The following PIGO variants were observed in gnomAD, a reference collection of about 807,000 sequenced individuals.
PIGO encodes the protein phosphatidylinositol glycan anchor biosynthesis class O, also known as GPI ethanolamine phosphate transferase 3, catalytic subunit.
PIGO carries 66 observed loss-of-function variants against 86.9 expected under a neutral mutation model. The ratio of observed to expected loss-of-function variants is 0.76; its 90% CI spans 0.62 to 0.93. PIGO has a LOEUF of 0.93. PIGO is among the 40% of genes least tolerant of loss of function. The pLI, the probability that PIGO is intolerant of heterozygous loss-of-function variation, is 0.00. For synonymous variants in PIGO, 570 were observed against 556.4 expected (o/e 1.02, Z -0.34); for missense variants, 1,202 against 1,359.1 (o/e 0.88, Z 1.82).
chr9:35,090,218 G>A lies in PIGO; in HGVS notation c.2917C>T (p.Gln973Ter), dbSNP rs1271249775. Residue 973 changes from glutamine (Q) to a stop codon, truncating the protein, a stop_gained, in exon 9 of 11, where the codon CAG becomes TAG. Transcript: ENST00000378617. LOFTEE classifies it high-confidence loss of function. Reference protein sequence around the residue: ...LCESQGLRKRQQPPGNEADAR... With the variant: ...LCESQGLRKR ...TCAGCTTCATTCCCTGGGGGCTGCT[G>A]TCTCTTCCGCAGCCCTTGACTCTCA... 6.2e-7 allele frequency: 1 copy of A among 1,614,090 alleles called. No homozygotes were observed. Among genetic ancestry groups the A allele is most frequent in the Non-Finnish European group, 8.5e-7 (1 of 1,180,050 alleles).
At position 35,091,567 on chromosome 9, in the gene PIGO, G is replaced by A; in HGVS notation, c.2320C>T (p.Pro774Ser). The A allele has an allele frequency of 1.2e-6, 2 of 1,614,064 alleles. No individual in the cohort carries two copies. Among genetic ancestry groups the A allele is most frequent in the East Asian group, 2.2e-5 (1 of 44,866 alleles). The change falls in exon 7 of 11, where the codon CCA becomes TCA. Residue 774 changes from proline (P) to serine (S), a missense_variant. By Grantham distance (74) the Pro-to-Ser change is moderately conservative. Coordinates refer to ENST00000378617, the MANE Select transcript of PIGO (RefSeq NM_032634.4). ...TVLVKAGAGA[P>S]RTRTVLTPFS... ...GGAGTGAGGACAGTCCTGGTCCTTG[G>A]AGCGCCTGCCCCAGCCTTCACCAGC...
rs1461400949 is a variant in PIGO, at chr9:35,091,635, G to A, written c.2252C>T (p.Ala751Val). The A allele has an allele frequency of 1.9e-6, 3 of 1,613,460 alleles. No homozygotes were observed. The highest frequency in any genetic ancestry group is 2.5e-6 in the Non-Finnish European group (3 of 1,180,022). ...MVLPRAVAGL[A>V]ASGLALLLWK... ...GAGCAGCAGCGCGAGCCCTGAAGCAGCCAGCCCTGCTACAGCCCGAGGCAG... is the reference window on the plus strand; with the variant it reads ...GAGCAGCAGCGCGAGCCCTGAAGCAACCAGCCCTGCTACAGCCCGAGGCAG... The change falls in exon 7 of 11, where the codon GCT (alanine) becomes GTT (valine). Residue 751 changes from alanine to valine, a missense_variant. By Grantham distance (64) the Ala-to-Val change is moderately conservative (BLOSUM62 0). Transcript: ENST00000378617.
chr9:35,093,653 C>A, intron 4 of PIGO, 73 bp from the exon 5 acceptor site: 1 of 1,486,282 alleles, frequency 6.7e-7, no homozygotes, highest in Non-Finnish European at 9.0e-7. Flanking sequence ...GATTTTTCTC[C>A]AGGGGCCTAT....
rs1696277658 is a variant in PIGO at position 35,095,397 on chromosome 9, TC to T, written c.168del (p.Lys57AsnfsTer18). ...GAAGCCATCCAGCAGGCCCCAGGTTTCCCTTGGCTCCCCCATGGCAGGGACC... is the reference window on the plus strand; with the variant it reads ...GAAGCCATCCAGCAGGCCCCAGGTTTCCTTGGCTCCCCCATGGCAGGGACC... ...GPGSLPWGSQ[G>X]KPGACWMASR... On this transcript the variant is annotated frameshift_variant, in exon 2 of 11. Coordinates refer to ENST00000378617, the MANE Select transcript of PIGO (RefSeq NM_032634.4). LOFTEE classifies it high-confidence loss of function. 2 of 1,614,100 alleles carry T rather than the reference TC, an allele frequency of 1.2e-6. No individual in the cohort carries two copies. Among genetic ancestry groups the T allele is most frequent in the Non-Finnish European group, 1.7e-6 (2 of 1,180,014 alleles).
chr9:35,090,776 A>C, intron 7 of PIGO, 104 bp from the exon 8 acceptor site: 2 of 1,126,314 alleles, frequency 1.8e-6, no homozygotes, highest in Non-Finnish European at 2.5e-6. Flanking sequence ...CAATTCTCAT[A>C]CACACTCAAA....
At chr9:35,089,626 A>G in intron 9 of PIGO, 176 bp from the exon 10 acceptor site, 5 of 1,450,806 alleles carry the variant, frequency 3.4e-6, no homozygotes, top group Non-Finnish European at 4.5e-6. Context: ...GCCCTGCCCC[A>G]AGCACTGACT....
At position 35,095,050 on chromosome 9, in the gene PIGO, C is replaced by A. The variant is rs771342396; in HGVS notation, c.511+5G>T. 6.3e-7 allele frequency: 1 copy of A among 1,580,984 alleles called. No individual in the cohort carries two copies. The highest frequency in any genetic ancestry group is 8.6e-7 in the Non-Finnish European group (1 of 1,160,156). On this transcript the variant is annotated splice_donor_5th_base_variant and intron_variant, in intron 2 of 10. Coordinates refer to ENST00000378617, the MANE Select transcript of PIGO (RefSeq NM_032634.4). ...CTTCTGGCCTTCAAAGTGGCCCACA[C>A]TGACCTGCACTGGTGAGCTGCTTAA...
Position 35,092,349 on chromosome 9 carries a change from A to G in PIGO, c.1538T>C (p.Leu513Pro). The change falls in exon 7 of 11, where the codon CTA (leucine) becomes CCA (proline). Residue 513 changes from leucine to proline, a missense_variant. Coordinates refer to ENST00000378617, the MANE Select transcript of PIGO (RefSeq NM_032634.4). ...TIELKLDLVLLGAVAAVSSFL... is the reference protein window; with the variant it reads ...TIELKLDLVLPGAVAAVSSFL... Reference sequence around the variant, plus strand: ...TGAGCTCACTGCAGCCACAGCCCCTAGAAGCACTAGATCTAGCTTCAGCTC... The same window carrying G: ...TGAGCTCACTGCAGCCACAGCCCCTGGAAGCACTAGATCTAGCTTCAGCTC... 6.2e-7 allele frequency: 1 copy of G among 1,614,248 alleles called. No homozygotes were observed. The highest frequency in any genetic ancestry group is 8.5e-7 in the Non-Finnish European group (1 of 1,180,032).
rs1829449395 is a variant in PIGO at position 35,092,071 on chromosome 9, C to G, written c.1816G>C (p.Gly606Arg). ...GGGGGGTTTGTTGTGGCTGAAGTGC[C>G]AAGGCGGGGCATTGTGAGTAGCTTA... ...PPKLLTMPRL[G>R]TSATTNPPRH... Residue 606 changes from glycine (G) to arginine (R), a missense_variant, in exon 7 of 11, where the codon GGC becomes CGC. Coordinates refer to ENST00000378617, the MANE Select transcript of PIGO (RefSeq NM_032634.4). 2 of 1,614,064 alleles carry G rather than the reference C, an allele frequency of 1.2e-6. No individual in the cohort carries two copies. Among genetic ancestry groups the G allele is most frequent in the Middle Eastern group, 1.6e-4 (1 of 6,084 alleles).
chr9:35,091,381 T>G lies in PIGO; in HGVS notation c.2506A>C (p.Met836Leu). Residue 836 changes from methionine to leucine, a missense_variant, in exon 7 of 11, where the codon ATG (methionine) becomes CTG (leucine). Coordinates refer to ENST00000378617, the MANE Select transcript of PIGO (RefSeq NM_032634.4). Reference sequence around the variant, plus strand: ...GCCAACAGGGTGAGGGCTGTGACCATAGCAGCTGAGTAGACACTCCCCAAC... The same window carrying G: ...GCCAACAGGGTGAGGGCTGTGACCAGAGCAGCTGAGTAGACACTCCCCAAC... ...YQLGSVYSAA[M>L]VTALTLLAFP... 1 of 1,614,160 alleles carries G rather than the reference T, an allele frequency of 6.2e-7. No individual in the cohort carries two copies. The highest frequency in any genetic ancestry group is 2.2e-5 in the East Asian group (1 of 44,880).
rs771932830 is a variant in PIGO, at chr9:35,091,759, G to C, written c.2128C>G (p.Leu710Val). ...TAGGCAGCAGTACCCAATGCCATTA[G>C]GGGCAGTCCCCAGCGCACAAAGAGC... ...PMLFVRWGLP[L>V]MALGTAAYWA... Residue 710 changes from leucine (L) to valine (V), a missense_variant, in exon 7 of 11, where the codon CTA (leucine) becomes GTA (valine). Leu to Val is a conservative substitution (Grantham distance 32). Coordinates refer to ENST00000378617, the MANE Select transcript of PIGO (RefSeq NM_032634.4). The C allele has an allele frequency of 1.9e-6, 3 of 1,612,056 alleles. No individual in the cohort carries two copies. In the East Asian group the frequency reaches 6.7e-5, roughly 36 times the overall value.
intron 7 of PIGO, 161 bp from the exon 8 acceptor site, chr9:35,090,833 TTCTC>T (rs1829385488): frequency 4.1e-6 from 3 of 726,478 alleles, no homozygotes; most frequent in Non-Finnish European, 4.4e-6. Context: ...GTTATTCTAA[TTCTC>T]TCTGTGGTAC....
chr9:35,088,876 T>G lies in PIGO; in HGVS notation c.*216A>C. 1 of 600,950 alleles carries G rather than the reference T, an allele frequency of 1.7e-6. No individual in the cohort carries two copies. Among genetic ancestry groups the G allele is most frequent in the South Asian group, 2.2e-5 (1 of 45,350 alleles). 37.2% of individuals were successfully genotyped at this position (600,950 alleles called of 1,614,324 possible). A position where few individuals can be genotyped will look rare whatever the true frequency, so the allele number is the denominator to read the frequency against. On this transcript the variant is annotated 3_prime_UTR_variant, in exon 11 of 11. Coordinates refer to ENST00000378617, the MANE Select transcript of PIGO (RefSeq NM_032634.4). ...ATTCCACTTCGGAGACCGCCCCCCT[T>G]GTCCCTCAGATGCATCCAAATCAGG...
At chr9:35,095,672 T>A (rs1271746676) in intron 1 of PIGO, 106 bp from the exon 2 acceptor site, 3 of 1,334,160 alleles carry the variant, frequency 2.2e-6, no homozygotes, top group Admixed American at 2.9e-5. Context: ...CCGGAAACCT[T>A]CCTGGAGATA....
At chr9:35,092,807 G>C (rs971021995) in intron 6 of PIGO, 40 bp from the exon 7 acceptor site, 2 of 1,532,284 alleles carry the variant, frequency 1.3e-6, no homozygotes, top group Non-Finnish European at 1.8e-6. Context: ...GAACAGGTCA[G>C]AGACATAAAT....
rs748322874 is a variant in PIGO, at chr9:35,091,457, G to A, written c.2430C>T (p.Gly810=). ...CCTGAGATTTGGTCCTCTCTAACCG[G>A]CCCCGGAACTCCTCCTGCATGTGTC... The part of the protein sequence containing the change: ...IYRHMQEEFR[G]RLERTKSQGP... The change falls in exon 7 of 11, where the codon GGC becomes GGT. Residue 810 remains glycine, a synonymous_variant. Transcript: ENST00000378617. 1 of 1,614,182 alleles carries A rather than the reference G, an allele frequency of 6.2e-7. No individual in the cohort carries two copies. Among genetic ancestry groups the A allele is most frequent in the Non-Finnish European group, 8.5e-7 (1 of 1,180,018 alleles).
chr9:35,095,505 T>A lies in PIGO; in HGVS notation c.61A>T (p.Ile21Phe), dbSNP rs1829631762. The change falls in exon 2 of 11, where the codon ATT (isoleucine) becomes TTT (phenylalanine). Residue 21 changes from isoleucine (I) to phenylalanine (F), a missense_variant. Physicochemically the swap from Ile to Phe is conservative, Grantham distance 21. Coordinates refer to ENST00000378617, the MANE Select transcript of PIGO (RefSeq NM_032634.4). ...AGGAAGCCACTGGTGAAGAGGGCAA[T>A]GCCAGCGTAGAAGAGGAAGCAGACC... ...AWVCFLFYAG[I>F]ALFTSGFLLT... 6.2e-7 allele frequency: 1 copy of A among 1,610,544 alleles called. No homozygotes were observed. The highest frequency in any genetic ancestry group is 8.5e-7 in the Non-Finnish European group (1 of 1,178,306).
Position 35,090,249 on chromosome 9 carries a change from G to A in PIGO, c.2886C>T (p.Phe962=). The A allele has an allele frequency of 6.2e-7, 1 of 1,614,160 alleles. No homozygotes were observed. The highest frequency in any genetic ancestry group is 1.1e-5 in the South Asian group (1 of 91,082). The change falls in exon 9 of 11, where the codon TTC becomes TTT. Residue 962 remains phenylalanine (F), a synonymous_variant. Transcript: ENST00000378617. ...VGCPLLLLWP[F]LCESQGLRKR... ...TCCGCAGCCCTTGACTCTCACACAG[G>A]AAAGGCCAGAGCAGGAGCAGTGGGC... is the stretch of plus-strand genomic sequence containing the variant.
chr9:35,093,507 C>T lies in PIGO; in HGVS notation c.853G>A (p.Asp285Asn). 1.2e-6 allele frequency: 2 copies of T among 1,614,112 alleles called. No individual in the cohort carries two copies. The highest frequency in any genetic ancestry group is 1.7e-6 in the Non-Finnish European group (2 of 1,180,008). The change falls in exon 5 of 11, where the codon GAC becomes AAC. Residue 285 changes from aspartate (D) to asparagine (N), a missense_variant. Transcript: ENST00000378617. ...AGDHGMTTNGDHGGDSELEVS... is the reference protein window; with the variant it reads ...AGDHGMTTNGNHGGDSELEVS... ...TCCAGCTCACTGTCCCCTCCATGGT[C>T]TCCATTTGTGGTCATCCCATGGTCC...
Sources: gnomAD v4.1 joint callset for allele counts on GRCh38, gnomAD v4.1.1 for gene constraint, MANE v1.5 for transcripts, NCBI Gene and HGNC (gene_info 2026-07-23, HGNC 2026-07-21) for gene names.